The following GRIN2A variants were observed in gnomAD, a reference collection of about 807,000 sequenced individuals.
GRIN2A encodes glutamate receptor ionotropic, NMDA 2A.
GRIN2A carries 22 observed loss-of-function variants against 113.4 expected under a neutral mutation model. That is an observed-to-expected ratio of 0.19 (90% CI 0.14 to 0.28). The LOEUF is 0.28. GRIN2A is among the 10% of genes least tolerant of loss of function. The probability of loss-of-function intolerance (pLI) is 1.00; values close to 1 mark genes in which losing one functional copy is unlikely to be tolerated. For missense variants in GRIN2A, 1,502 were observed against 1,887.0 expected (o/e 0.80, Z 3.78); for synonymous variants, 827 against 738.4 (o/e 1.12, Z -1.94).
intron 2 of GRIN2A, among the ~76,000 whole-genome samples, chr16:10,054,290 ATG>A (rs1280363467): frequency 2.6e-5 from 4 of 152,208 alleles, no homozygotes; most frequent in African/African-American, 9.6e-5. Context: ...TGGCCAATAA[ATG>A]TGAAAATATG....
Position 9,867,678 on chromosome 16 carries a change from C to T in GRIN2A, c.1123-17717G>A, listed in dbSNP as rs551150806. Among the ~76,000 whole-genome samples, 25 of 152,316 alleles carry T rather than the reference C, an allele frequency of 1.6e-4. No individual in the cohort carries two copies. In the South Asian group the frequency reaches 4.6e-3, roughly 28 times the overall value. ...GGACTACTCACATCTTTCTTGAGTTCTCTGCCCTAGACTGTCAGGACACTA... is the reference window on the plus strand; with the variant it reads ...GGACTACTCACATCTTTCTTGAGTTTTCTGCCCTAGACTGTCAGGACACTA... On this transcript the variant is annotated intron_variant, in intron 4 of 12. Coordinates refer to ENST00000330684, the MANE Select transcript of GRIN2A (RefSeq NM_001134407.3).
At chr16:9,769,135 A>G (rs1441806255) in intron 11 of GRIN2A, 46 bp from the exon 12 acceptor site, 3 of 1,417,962 alleles carry the variant, frequency 2.1e-6, no homozygotes, top group Non-Finnish European at 3.0e-6. Flanking sequence ...CAGAACATGC[A>G]CTTTGGGGCA....
intron 4 of GRIN2A, among the ~76,000 whole-genome samples, chr16:9,876,421 G>A (rs555195080): frequency 7.9e-5 from 12 of 152,218 alleles, no homozygotes; most frequent in African/African-American, 2.9e-4. Flanking sequence ...CTCACCACCT[G>A]CTTCTTTGTT....
intron 2 of GRIN2A, among the ~76,000 whole-genome samples, chr16:10,061,393 G>A (rs1283737770): frequency 6.6e-6 from 1 of 152,048 alleles, no homozygotes; most frequent in African/African-American, 2.4e-5. Context: ...TTATTTATTG[G>A]CAAACACAAT....
intron 2 of GRIN2A, among the ~76,000 whole-genome samples, chr16:9,957,340 C>T (rs2045331796): frequency 1.3e-5 from 2 of 152,324 alleles, no homozygotes; most frequent in South Asian, 4.1e-4. Flanking sequence ...AAACACAGGG[C>T]TGCTCTCACT....
At chr16:10,102,320 G>A (rs2048415682) in intron 2 of GRIN2A, among the ~76,000 whole-genome samples, 1 of 152,146 alleles carries the variant, frequency 6.6e-6, no homozygotes, top group South Asian at 2.1e-4. Flanking sequence ...TTAAAAGAGT[G>A]TGGCACTGAT....
intron 2 of GRIN2A, among the ~76,000 whole-genome samples, chr16:9,986,764 C>CAAAAA (rs3065539): frequency 8.9e-6 from 1 of 112,054 alleles, no homozygotes; most frequent in African/African-American, 3.5e-5. Context: ...GACGCTGTCT[C>CAAAAA]AAAAAAAAAA....
At chr16:10,138,415 G>T (rs4782288) in intron 2 of GRIN2A, among the ~76,000 whole-genome samples, 2 of 152,102 alleles carry the variant, frequency 1.3e-5, no homozygotes, top group African/African-American at 4.8e-5. Flanking sequence ...AAGACGAAGA[G>T]GAAGCGAGGA....
chr16:9,863,620 G>A (rs780868352), intron 4 of GRIN2A, among the ~76,000 whole-genome samples: 36 of 152,180 alleles, frequency 2.4e-4, no homozygotes, highest in Non-Finnish European at 4.9e-4. Context: ...TGTGAACCAT[G>A]TGTCAATTAG....
At chr16:9,839,973 C>T (rs547939852) in intron 7 of GRIN2A, among the ~76,000 whole-genome samples, 1 of 152,170 alleles carries the variant, frequency 6.6e-6, no homozygotes, top group East Asian at 1.9e-4. Flanking sequence ...CAAAAATTAG[C>T]CAGGCATGGT....
chr16:9,809,444 A>G (rs1375373864), intron 10 of GRIN2A, among the ~76,000 whole-genome samples: 1 of 152,134 alleles, frequency 6.6e-6, no homozygotes, highest in East Asian at 1.9e-4. Flanking sequence ...AAACAAAAAC[A>G]TATGCAAATG....
intron 2 of GRIN2A, among the ~76,000 whole-genome samples, chr16:10,160,897 C>T (rs955324948): frequency 5.3e-5 from 8 of 152,172 alleles, no homozygotes; most frequent in Admixed American, 3.9e-4. Flanking sequence ...GAGGCACGTT[C>T]GTGGAGCCAG....
chr16:9,960,926 G>A (rs191714701), intron 2 of GRIN2A, among the ~76,000 whole-genome samples: 2 of 152,234 alleles, frequency 1.3e-5, no homozygotes, highest in South Asian at 2.1e-4. Flanking sequence ...GCACCCAGCT[G>A]TAATTTTCTT....
chr16:10,112,678 G>A (rs1028180169), intron 2 of GRIN2A: 3 of 756,112 alleles, frequency 4.0e-6, no homozygotes, highest in Admixed American at 1.7e-5. Context: ...TTCAGCGAGG[G>A]GGAAAAGGTG....
chr16:10,076,697 C>T (rs111573251), intron 2 of GRIN2A, among the ~76,000 whole-genome samples: 21 of 152,274 alleles, frequency 1.4e-4, no homozygotes, highest in East Asian at 3.9e-4. Context: ...AGAGCTATGA[C>T]GACTGAACAA....
intron 2 of GRIN2A, among the ~76,000 whole-genome samples, chr16:10,032,301 A>C (rs1028149196): frequency 3.0e-4 from 45 of 152,218 alleles, no homozygotes; most frequent in African/African-American, 1.0e-3. Context: ...CAATGACATA[A>C]AATGGATGAT....
chr16:9,986,130 G>A (rs2045975788), intron 2 of GRIN2A, among the ~76,000 whole-genome samples: 1 of 152,002 alleles, frequency 6.6e-6, no homozygotes, highest in South Asian at 2.1e-4. Flanking sequence ...TTTGGAAACA[G>A]AAATCAACAG....
At chr16:10,111,831 G>T in intron 2 of GRIN2A, 1 of 1,235,024 alleles carries the variant, frequency 8.1e-7, no homozygotes, top group African/African-American at 1.5e-5. Context: ...TGGGCACCAT[G>T]GGGAGCAAGT....
chr16:9,966,960 T>C (rs2045566838), intron 2 of GRIN2A, among the ~76,000 whole-genome samples: 2 of 152,190 alleles, frequency 1.3e-5, no homozygotes, highest in African/African-American at 4.8e-5. Context: ...TAGTGACTCA[T>C]TTTCCACACT....
Sources: allele counts gnomAD v4.1 joint callset (sites outside exome capture counted in the v4.1 genomes callset), GRCh38; gene constraint gnomAD v4.1.1; transcripts MANE v1.5; gene names NCBI Gene and HGNC (gene_info 2026-07-23, HGNC 2026-07-21).